MYOCD: variants seen among roughly 807,000 people sequenced by gnomAD.
The protein encoded by MYOCD is myocardin.
Under a neutral mutation model 96.1 loss-of-function variants are expected in MYOCD, and 32 were observed. That is an observed-to-expected ratio of 0.33 (90% CI 0.25 to 0.45). The LOEUF is 0.45. Ranked by LOEUF, MYOCD falls within the 20% of genes least tolerant of loss-of-function variation. MYOCD has a pLI of 1.00. For missense variants in MYOCD, 1,133 were observed against 1,200.6 expected (o/e 0.94, Z 0.83); for synonymous variants, 469 against 469.0 (o/e 1.00, Z 0.00).
intron 1 of MYOCD, among the ~76,000 whole-genome samples, chr17:12,693,205 C>T (rs888586829): frequency 3.3e-5 from 5 of 152,046 alleles, no homozygotes; most frequent in Admixed American, 6.6e-5. Context: ...AAGGTACATG[C>T]GTAGGGTGGT....
At position 12,744,446 on chromosome 17, in the gene MYOCD, G is replaced by A; in HGVS notation, c.971+10G>A. 1 of 1,596,476 alleles carries A rather than the reference G, an allele frequency of 6.3e-7. No individual in the cohort carries two copies. The highest frequency in any genetic ancestry group is 8.5e-7 in the Non-Finnish European group (1 of 1,171,170). On this transcript the variant is annotated intron_variant, in intron 8 of 13. Coordinates refer to ENST00000425538, the MANE Select transcript of MYOCD (RefSeq NM_001146312.3). ...ACCAAGCTCAGCTTAAGTAAGTCCG[G>A]CAAGGCTGGGAGGGTGGCTGTGGGC...
Position 12,767,910 on chromosome 17 carries a change from G to A in MYOCD, c.*4266G>A, listed in dbSNP as rs2033382782. ...CTATAGACAAAAGGGACACTTACTG[G>A]TGAGCCTCTGGCCCTTAAAAGAAAA... On this transcript the variant is annotated 3_prime_UTR_variant, in exon 14 of 14. Transcript: ENST00000425538. 1 of 152,134 alleles carries A rather than the reference G, an allele frequency of 6.6e-6. No homozygotes were observed. The highest frequency in any genetic ancestry group is 1.5e-5 in the Non-Finnish European group (1 of 68,032). The allele number at this position is 152,134 out of a possible 1,614,324, so 9.4% of individuals were successfully genotyped here.
intron 4 of MYOCD, among the ~76,000 whole-genome samples, chr17:12,719,888 A>T (rs988614868): frequency 1.1e-4 from 16 of 149,838 alleles, no homozygotes; most frequent in Admixed American, 8.0e-4. Context: ...AAAAAAAAAA[A>T]TTTTAGGCAG....
intron 5 of MYOCD, among the ~76,000 whole-genome samples, chr17:12,730,658 C>CTA (rs1319586930): frequency 6.6e-6 from 1 of 152,164 alleles, no homozygotes; most frequent in African/African-American, 2.4e-5. Flanking sequence ...CTTTAGGCAA[C>CTA]AGCTACACTG....
At chr17:12,744,706 A>G (rs1361131811) in intron 8 of MYOCD, among the ~76,000 whole-genome samples, 1 of 152,234 alleles carries the variant, frequency 6.6e-6, no homozygotes, top group African/African-American at 2.4e-5. Context: ...ACTGAACTCT[A>G]CATATACTGT....
chr17:12,706,946 G>T (rs2031310303), intron 2 of MYOCD, among the ~76,000 whole-genome samples: 1 of 152,054 alleles, frequency 6.6e-6, no homozygotes, highest in Non-Finnish European at 1.5e-5. Flanking sequence ...TATGATGAAG[G>T]TTTTCCCCAA....
Position 12,709,381 on chromosome 17 carries a change from A to C in MYOCD, c.121+4188A>C, listed in dbSNP as rs372911212. Among the ~76,000 whole-genome samples, 33 of 152,264 alleles carry C rather than the reference A, an allele frequency of 2.2e-4. No homozygotes were observed. In the South Asian group the frequency reaches 6.6e-3, roughly 31 times the overall value. On this transcript the variant is annotated intron_variant, in intron 2 of 13. Transcript: ENST00000425538. ...GTGTGGGCATTATGAGTTTAGGCTA[A>C]TTTCCCTCTTTACATGCTTTGAATG... is the stretch of plus-strand genomic sequence containing the variant.
At position 12,745,989 on chromosome 17, in the gene MYOCD, C is replaced by A; in HGVS notation, c.1042C>A (p.Pro348Thr). 2 of 1,614,224 alleles carry A rather than the reference C, an allele frequency of 1.2e-6. No homozygotes were observed. The highest frequency in any genetic ancestry group is 1.1e-5 in the South Asian group (1 of 91,082). ...GCCACTGAGCAATACCCCCTTGTCT[C>A]CTGTCAAAAACAGTTTTTCTGGACA... The part of the protein sequence containing the change: ...STPLSNTPLS[P>T]VKNSFSGQTG... Residue 348 changes from proline (P) to threonine (T), a missense_variant, in exon 9 of 14, where the codon CCT becomes ACT. Coordinates refer to ENST00000425538, the MANE Select transcript of MYOCD (RefSeq NM_001146312.3).
intron 2 of MYOCD, among the ~76,000 whole-genome samples, chr17:12,709,475 T>G (rs2150677893): frequency 6.6e-6 from 1 of 152,348 alleles, no homozygotes; most frequent in Admixed American, 6.5e-5. Context: ...ACAGAATCAC[T>G]GGAACAACTT....
At chr17:12,711,326 G>A (rs750879144) in intron 2 of MYOCD, among the ~76,000 whole-genome samples, 4 of 152,140 alleles carry the variant, frequency 2.6e-5, no homozygotes, top group Non-Finnish European at 4.4e-5. Flanking sequence ...TATACCAAAA[G>A]TAGATGGCAG....
At chr17:12,736,094 G>A (rs2032330792) in intron 5 of MYOCD, 67 bp from the exon 6 acceptor site, 1 of 1,337,124 alleles carries the variant, frequency 7.5e-7, no homozygotes, top group Non-Finnish European at 1.1e-6. Flanking sequence ...ACACATCGAA[G>A]CATTTCCAAA....
chr17:12,755,137 T>C (rs1295396349), intron 10 of MYOCD, among the ~76,000 whole-genome samples: 1 of 152,204 alleles, frequency 6.6e-6, no homozygotes, highest in Non-Finnish European at 1.5e-5. Context: ...AAAAAACTTA[T>C]TGTCATAATT....
chr17:12,724,934 A>T (rs2031952950), intron 5 of MYOCD, among the ~76,000 whole-genome samples: 2 of 152,058 alleles, frequency 1.3e-5, no homozygotes. Flanking sequence ...TTTGTTTAGG[A>T]TTGCACTGAA....
chr17:12,689,692 A>C (rs899312864), intron 1 of MYOCD, among the ~76,000 whole-genome samples: 11 of 152,268 alleles, frequency 7.2e-5, no homozygotes, highest in African/African-American at 2.6e-4. Flanking sequence ...TTAGCTGGGC[A>C]TGATGGCAGG....
chr17:12,669,329 ATTGTGTTTC>A, intron 1 of MYOCD, among the ~76,000 whole-genome samples: 1 of 152,210 alleles, frequency 6.6e-6, no homozygotes, highest in South Asian at 2.1e-4. Flanking sequence ...CTAAAGAATC[ATTGTGTTTC>A]TTTTGCTTCT....
intron 5 of MYOCD, among the ~76,000 whole-genome samples, chr17:12,727,535 T>C (rs1468088141): frequency 6.6e-6 from 1 of 152,190 alleles, no homozygotes; most frequent in East Asian, 1.9e-4. Flanking sequence ...TTCCAGCCTC[T>C]GGGTATTTTC....
chr17:12,712,785 A>G (rs2150680610), intron 2 of MYOCD, among the ~76,000 whole-genome samples: 1 of 149,858 alleles, frequency 6.7e-6, no homozygotes, highest in East Asian at 1.9e-4. Flanking sequence ...TCAAAATCAC[A>G]TGGACTTTTT....
At chr17:12,685,659 A>T (rs79509572) in intron 1 of MYOCD, among the ~76,000 whole-genome samples, 2,162 of 152,224 alleles carry the variant, frequency 0.014, 15 homozygotes, top group South Asian at 0.024. Context: ...TAGCATCTTA[A>T]CCATAAATTT....
In MYOCD at chr17:12,764,276, C is replaced by G. The variant is rs1311438826; in HGVS notation, c.*632C>G. The stretch of plus-strand genomic sequence containing the variant: ...AGTGGTTCTGAACCTGTACCCAGGA[C>G]TCGATGTGGTCACTAATAACAATTA... On this transcript the variant is annotated 3_prime_UTR_variant, in exon 14 of 14. Coordinates refer to ENST00000425538, the MANE Select transcript of MYOCD (RefSeq NM_001146312.3). The G allele has an allele frequency of 6.6e-6, 1 of 152,220 alleles. No homozygotes were observed. Among genetic ancestry groups the G allele is most frequent in the African/African-American group, 2.4e-5 (1 of 41,444 alleles). The allele number at this position is 152,220 out of a possible 1,614,324, so 9.4% of individuals were successfully genotyped here.
Sources: gnomAD v4.1 joint callset for allele counts (sites outside exome capture counted in the v4.1 genomes callset) on GRCh38, gnomAD v4.1.1 for gene constraint, MANE v1.5 for transcripts, NCBI Gene and HGNC (gene_info 2026-07-23, HGNC 2026-07-21) for gene names.